The following NRXN2 variants were observed in gnomAD, a reference collection of about 807,000 sequenced individuals.
NRXN2 encodes neurexin-2-beta.
Under a neutral mutation model 128.8 loss-of-function variants are expected in NRXN2, and 29 were observed. The observed-to-expected ratio is 0.23, with a 90% CI of 0.17 to 0.31. The LOEUF (loss-of-function observed/expected upper bound fraction) is 0.31, where lower values mean the gene tolerates loss of function less well. Among genes scored for constraint, NRXN2 ranks in the 10% least tolerant of loss-of-function variants. NRXN2 has a pLI of 1.00. For missense variants in NRXN2, 1,881 were observed against 2,452.6 expected (o/e 0.77, Z 4.92); for synonymous variants, 1,098 against 1,075.2 (o/e 1.02, Z -0.41).
intron 22 of NRXN2, among the ~76,000 whole-genome samples, chr11:64,609,639 C>T (rs2040310509): frequency 6.6e-6 from 1 of 152,234 alleles, no homozygotes. Context: ...GCCTCCTGGT[C>T]CTCCTCTCAA....
At position 64,697,789 on chromosome 11, in the gene NRXN2, T is replaced by C; in HGVS notation, c.734A>G (p.Glu245Gly). 2 of 1,613,776 alleles carry C rather than the reference T, an allele frequency of 1.2e-6. No individual in the cohort carries two copies. The highest frequency in any genetic ancestry group is 1.7e-6 in the Non-Finnish European group (2 of 1,179,846). Residue 245 changes from glutamate to glycine, a missense_variant, in exon 3 of 23, where the codon GAG becomes GGG. Around this residue, in one of 7 missense-constraint regions of NRXN2, gnomAD observed 997 missense variants for 1,240.8 expected, o/e 0.80. Coordinates refer to ENST00000265459, the MANE Select transcript of NRXN2 (RefSeq NM_015080.4). ...GCTTCACTCACCTTCCATGGGGTGC[T>C]CCTCTGCAGCCAGCGAGGTTCGGAG... The part of the protein sequence containing the change: ...GFGGKFCSEE[E>G]HPMEGPAHLT...
rs191243628 is a variant in NRXN2 at position 64,683,514 on chromosome 11, G to C, written c.1152+2132C>G. 1.6e-4 allele frequency among the ~76,000 whole-genome samples: 24 copies of C among 152,120 alleles called. 1 individual carries two copies. The highest frequency in any genetic ancestry group is 1.5e-3 in the Admixed American group (23 of 15,288). On this transcript the variant is annotated intron_variant, in intron 6 of 22. Coordinates refer to ENST00000265459, the MANE Select transcript of NRXN2 (RefSeq NM_015080.4). ...GGGCACCTGTAATCCCAGCTACGCG[G>C]GAGGCTGAGGTAGGAGAATCACTAT... is the stretch of plus-strand genomic sequence containing the variant.
At chr11:64,665,105 C>A (rs368610480) in intron 9 of NRXN2, among the ~76,000 whole-genome samples, 4 of 151,352 alleles carry the variant, frequency 2.6e-5, no homozygotes, top group East Asian at 3.9e-4. Context: ...ACATGGTAAA[C>A]CCCCATCTCT....
rs916872863 is a variant in NRXN2, at chr11:64,642,400, G to A, written c.3403+5819C>T. On this transcript the variant is annotated intron_variant, in intron 17 of 22. Coordinates refer to ENST00000265459, the MANE Select transcript of NRXN2 (RefSeq NM_015080.4). Reference sequence around the variant, plus strand: ...TGGGAGCTGGAGATTGGAGGTGAAGGGGCTCCGGGACGCAAAGCAGAGGGG... The same window carrying A: ...TGGGAGCTGGAGATTGGAGGTGAAGAGGCTCCGGGACGCAAAGCAGAGGGG... The A allele has an allele frequency of 4.2e-5, 53 of 1,267,846 alleles. No individual in the cohort carries two copies. In the East Asian group the frequency reaches 1.2e-3, roughly 30 times the overall value. The allele number at this position is 1,267,846 out of a possible 1,614,324, so 78.5% of individuals were successfully genotyped here.
At chr11:64,709,908 C>CTT (rs530817393) in intron 2 of NRXN2, among the ~76,000 whole-genome samples, 9 of 139,888 alleles carry the variant, frequency 6.4e-5, no homozygotes, top group Non-Finnish European at 1.1e-4. Flanking sequence ...TTTCTTCTTC[C>CTT]TTTTTTTTTT....
chr11:64,629,473 C>T (rs1056256393), intron 19 of NRXN2, among the ~76,000 whole-genome samples: 1 of 152,160 alleles, frequency 6.6e-6, no homozygotes, highest in Non-Finnish European at 1.5e-5. Context: ...AGTGCTATTT[C>T]CATATCTTTC....
intron 22 of NRXN2, among the ~76,000 whole-genome samples, chr11:64,608,725 G>T (rs71579896): frequency 6.6e-6 from 1 of 151,982 alleles, no homozygotes; most frequent in Non-Finnish European, 1.5e-5. Context: ...TGCTCCCTGC[G>T]CATCCTGCCT....
In NRXN2 at chr11:64,632,119, G is replaced by A. The variant is rs2043998721; in HGVS notation, c.3586-1546C>T. On this transcript the variant is annotated intron_variant, in intron 18 of 22. Coordinates refer to ENST00000265459, the MANE Select transcript of NRXN2 (RefSeq NM_015080.4). This position sits in a 1 kb window ranked among gnomAD's most constrained non-coding sequence, Gnocchi z 4.2. ...GGGGTGTTGGCAGGGGTGGCTCACA[G>A]ATGGGGCAAGGGTTGGGGTTTGGCA... 6.6e-6 allele frequency among the ~76,000 whole-genome samples: 1 copy of A among 152,236 alleles called. No homozygotes were observed. The highest frequency in any genetic ancestry group is 1.5e-5 in the Non-Finnish European group (1 of 68,046).
Position 64,622,103 on chromosome 11 carries a change from G to A in NRXN2, c.4173+650C>T, listed in dbSNP as rs1463493056. Among the ~76,000 whole-genome samples the A allele has an allele frequency of 1.3e-5, 2 of 152,230 alleles. No homozygotes were observed. Among genetic ancestry groups the A allele is most frequent in the African/African-American group, 4.8e-5 (2 of 41,448 alleles). Reference sequence around the variant, plus strand: ...AACTGTCTGCACTGAGACCCCCTCAGACGCACAGACGGAGAGGACACTGAA... The same window carrying A: ...AACTGTCTGCACTGAGACCCCCTCAAACGCACAGACGGAGAGGACACTGAA... On this transcript the variant is annotated intron_variant, in intron 21 of 22. Coordinates refer to ENST00000265459, the MANE Select transcript of NRXN2 (RefSeq NM_015080.4). This position sits in a 1 kb window ranked among gnomAD's most constrained non-coding sequence, Gnocchi z 4.3.
intron 7 of NRXN2, chr11:64,676,710 C>T: frequency 3.7e-6 from 2 of 538,896 alleles, no homozygotes; most frequent in South Asian, 4.7e-5. Flanking sequence ...GTCTCTCTGG[C>T]CAGGAATCTG....
Position 64,607,567 on chromosome 11 carries a change from G to T in NRXN2, c.4768C>A (p.Pro1590Thr). 1 of 1,536,814 alleles carries T rather than the reference G, an allele frequency of 6.5e-7. No individual in the cohort carries two copies. Among genetic ancestry groups the T allele is most frequent in the Non-Finnish European group, 8.7e-7 (1 of 1,145,224 alleles). Residue 1590 changes from proline (P) to threonine (T), a missense_variant, in exon 23 of 23, where the codon CCG becomes ACG. Transcript: ENST00000265459. ...LGPGAPTSFEPRRPPPLRPGV... is the reference protein window; with the variant it reads ...LGPGAPTSFETRRPPPLRPGV... ...GGGCGCAGGGGAGGGGGCCTCCGCG[G>T]CTCAAAGGACGTGGGGGCCCCGGGC... is the stretch of plus-strand genomic sequence containing the variant.
At chr11:64,668,946 C>G (rs2050260298) in intron 7 of NRXN2, among the ~76,000 whole-genome samples, 1 of 152,128 alleles carries the variant, frequency 6.6e-6, no homozygotes, top group Admixed American at 6.5e-5. Flanking sequence ...CAGGACGGAT[C>G]CCCCATTCTG....
intron 2 of NRXN2, among the ~76,000 whole-genome samples, chr11:64,702,496 C>A (rs1293804071): frequency 6.6e-6 from 1 of 151,724 alleles, no homozygotes; most frequent in Non-Finnish European, 1.5e-5. Context: ...GATCGGTGAC[C>A]TTACCCCCAA....
chr11:64,653,858 C>T lies in NRXN2; in HGVS notation c.2390-136G>A, dbSNP rs1442764886. On this transcript the variant is annotated intron_variant, in intron 11 of 22. Coordinates refer to ENST00000265459, the MANE Select transcript of NRXN2 (RefSeq NM_015080.4). ...CCAGGGCCACTTTCCGGGGACCACG[C>T]GTGCCCAGGTGCCCTCTTCCCTTCC... 10 of 656,516 alleles carry T rather than the reference C, an allele frequency of 1.5e-5. No individual in the cohort carries two copies. The East Asian group carries it at 1.6e-4, about 11-fold the overall frequency. 40.7% of individuals were successfully genotyped at this position (656,516 alleles called of 1,614,324 possible).
At chr11:64,717,497 G>T (rs900883957) in intron 1 of NRXN2, among the ~76,000 whole-genome samples, 1 of 152,230 alleles carries the variant, frequency 6.6e-6, no homozygotes, top group African/African-American at 2.4e-5. Flanking sequence ...GCTGGAGTGG[G>T]TGGGGCAGGG....
rs747464567 is a variant in NRXN2, at chr11:64,635,417, G to A, written c.3439C>T (p.Leu1147Phe). The stretch of plus-strand genomic sequence containing the variant: ...TTGGGGGGCCACGTGTAGGTGATGA[G>A]CGCTCCCCCCTTCCCAAAGATGTAT... ...TTYIFGKGGA[L>F]ITYTWPPNDR... The change falls in exon 18 of 23, where the codon CTC (leucine) becomes TTC (phenylalanine). Residue 1147 changes from leucine (L) to phenylalanine (F), a missense_variant. Leu to Phe is a conservative substitution (Grantham distance 22). This residue lies in a region of NRXN2 where 390 missense variants were observed against 599.6 expected (regional missense o/e 0.65). Coordinates refer to ENST00000265459, the MANE Select transcript of NRXN2 (RefSeq NM_015080.4). This position sits in a 1 kb window ranked among gnomAD's most constrained non-coding sequence, Gnocchi z 4.8. The A allele has an allele frequency of 6.2e-7, 1 of 1,613,870 alleles. No homozygotes were observed. Among genetic ancestry groups the A allele is most frequent in the Admixed American group, 1.7e-5 (1 of 60,026 alleles).
At chr11:64,665,031 C>T (rs2135501562) in intron 9 of NRXN2, among the ~76,000 whole-genome samples, 1 of 151,130 alleles carries the variant, frequency 6.6e-6, no homozygotes, top group Admixed American at 6.6e-5. Flanking sequence ...GCCTGTAATC[C>T]CAACACTTTG....
intron 17 of NRXN2, chr11:64,642,987 C>A: frequency 9.9e-7 from 1 of 1,011,362 alleles, no homozygotes; most frequent in South Asian, 4.6e-5. Context: ...GCCGGGAAAT[C>A]GGGGGTCCGC....
In NRXN2 at chr11:64,704,598, T is replaced by TCACACA. The variant is rs1200286244; in HGVS notation, c.731-6812_731-6807dup. Among the ~76,000 whole-genome samples the TCACACA allele has an allele frequency of 1.6e-3, 160 of 99,476 alleles. 1 individual carries two copies. Among genetic ancestry groups the TCACACA allele is most frequent in the East Asian group, 6.2e-3 (17 of 2,752 alleles). The allele number at this position is 99,476 out of a possible 152,430, so 65.3% of individuals were successfully genotyped here. ...AACTTAGGAATGCTGATTTCCAGGT[T>TCACACA]CACACACACACACACACACACACAC... On this transcript the variant is annotated intron_variant, in intron 2 of 22. Coordinates refer to ENST00000265459, the MANE Select transcript of NRXN2 (RefSeq NM_015080.4).
Sources: allele counts gnomAD v4.1 joint callset (sites outside exome capture counted in the v4.1 genomes callset), GRCh38; gene constraint gnomAD v4.1.1; regional missense constraint gnomAD v4.1.1; non-coding constraint Gnocchi (gnomAD v3.1); transcripts MANE v1.5; gene names NCBI Gene and HGNC (gene_info 2026-07-23, HGNC 2026-07-21).